Variants in APOH observed in about 807,000 individuals in gnomAD.
APOH encodes apolipoprotein H.
Under a neutral mutation model 39.8 loss-of-function variants are expected in APOH, and 48 were observed. The observed-to-expected ratio is 1.21, with a 90% CI of 0.96 to 1.54. The LOEUF (loss-of-function observed/expected upper bound fraction) is 1.54. Among genes scored for constraint, APOH ranks in the 40% most tolerant of loss-of-function variants. The probability of loss-of-function intolerance (pLI) is 0.00; values close to 1 mark genes in which losing one functional copy is unlikely to be tolerated. For synonymous variants in APOH, 153 were observed against 151.1 expected, an observed-to-expected ratio of 1.01 and a Z score of -0.09; for missense variants, 415 against 421.2, an observed-to-expected ratio of 0.99 and a Z score of 0.13.
intron 5 of APOH, among the ~76,000 whole-genome samples, chr17:66,219,435 T>C (rs2073384423): frequency 6.6e-6 from 1 of 152,240 alleles, no homozygotes; most frequent in South Asian, 2.1e-4. Context: ...ACCTACTTTT[T>C]AGGACTTGGG....
intron 3 of APOH, among the ~76,000 whole-genome samples, chr17:66,225,249 C>T (rs939326150): frequency 1.3e-5 from 2 of 152,150 alleles, no homozygotes; most frequent in Non-Finnish European, 2.9e-5. Flanking sequence ...AGCCAATGTG[C>T]TCTCAATAAT....
intron 6 of APOH, among the ~76,000 whole-genome samples, chr17:66,216,392 G>A (rs2073365638): frequency 6.6e-6 from 1 of 151,346 alleles, no homozygotes; most frequent in African/African-American, 2.4e-5. Flanking sequence ...GCTGAGGTAG[G>A]AGAATTGCTT....
At position 66,214,615 on chromosome 17, in the gene APOH, C is replaced by G; in HGVS notation, c.820G>C (p.Val274Leu). Reference sequence around the variant, plus strand: ...ATCTTTACTCTCTCTCCTTGGTACACCACAGTGGCTTTTTTCACAGGTACT... The same window carrying G: ...ATCTTTACTCTCTCTCCTTGGTACAGCACAGTGGCTTTTTTCACAGGTACT... ...CKVPVKKATVVYQGERVKIQE... is the reference protein window; with the variant it reads ...CKVPVKKATVLYQGERVKIQE... The change falls in exon 7 of 8, where the codon GTG (valine) becomes CTG (leucine). Residue 274 changes from valine (V) to leucine (L), a missense_variant. Transcript: ENST00000205948. 6.2e-7 allele frequency: 1 copy of G among 1,613,628 alleles called. No individual in the cohort carries two copies. The highest frequency in any genetic ancestry group is 8.5e-7 in the Non-Finnish European group (1 of 1,179,850).
intron 2 of APOH, among the ~76,000 whole-genome samples, chr17:66,227,279 A>T (rs1228909827): frequency 6.6e-6 from 1 of 152,224 alleles, no homozygotes; most frequent in Non-Finnish European, 1.5e-5. Flanking sequence ...AGTAAAATCA[A>T]CTTGCATGAA....
chr17:66,214,707 G>C lies in APOH; in HGVS notation c.785-57C>G. On this transcript the variant is annotated intron_variant, in intron 6 of 7. Transcript: ENST00000205948. ...AAGAGTTCAGGAAGTCTTTCTGAAA[G>C]AGAGTATAGCATTTGAAACAGTAGA... 5.4e-6 allele frequency: 8 copies of C among 1,468,746 alleles called. 1 individual carries two copies. In the South Asian group the frequency reaches 8.2e-5, roughly 15 times the overall value. The allele number at this position is 1,468,746 out of a possible 1,614,324, so 91.0% of individuals were successfully genotyped here.
In APOH at chr17:66,216,883, G is replaced by C. The variant is rs1476098747; in HGVS notation, c.689C>G (p.Ala230Gly). ...AKPTLYYKDK[A>G]TFGCHDGYSL... ...ATATCCATCATGGCAGCCAAATGTG[G>C]CTTTATCCTTGTAATAAAGTGTTGG... The change falls in exon 6 of 8, where the codon GCC (alanine) becomes GGC (glycine). Residue 230 changes from alanine to glycine, a missense_variant. By Grantham distance (60) the Ala-to-Gly change is moderately conservative. Transcript: ENST00000205948. The C allele has an allele frequency of 2.5e-6, 4 of 1,613,342 alleles. No homozygotes were observed. The highest frequency in any genetic ancestry group is 1.7e-6 in the Non-Finnish European group (2 of 1,179,710).
At chr17:66,220,471 TC>T in intron 5 of APOH, 82 bp downstream of exon 5, 1 of 1,355,530 alleles carries the variant, frequency 7.4e-7, no homozygotes, top group East Asian at 2.3e-5. Flanking sequence ...TTGGAAACAC[TC>T]CATGATAGTC....
chr17:66,227,227 T>A (rs547973455), intron 2 of APOH, among the ~76,000 whole-genome samples: 3 of 152,294 alleles, frequency 2.0e-5, no homozygotes, highest in African/African-American at 7.2e-5. Context: ...ACATTGGCTT[T>A]TTACTAAAAA....
chr17:66,227,081 A>G (rs1295751153), intron 2 of APOH, among the ~76,000 whole-genome samples: 1 of 152,006 alleles, frequency 6.6e-6, no homozygotes, highest in Non-Finnish European at 1.5e-5. Flanking sequence ...ACGAGGTTTC[A>G]CCATGCTGGC....
intron 4 of APOH, among the ~76,000 whole-genome samples, chr17:66,222,665 G>A (rs532499994): frequency 6.6e-5 from 9 of 136,574 alleles, no homozygotes; most frequent in African/African-American, 2.5e-4. Context: ...TCCGCCTCCC[G>A]GGTTCAAGTG....
chr17:66,214,362 T>G, intron 7 of APOH, 91 bp downstream of exon 7: 1 of 1,292,064 alleles, frequency 7.7e-7, no homozygotes, highest in Non-Finnish European at 1.1e-6. Context: ...CCTGGCCTCA[T>G]CTGGTTTTTG....
intron 3 of APOH, among the ~76,000 whole-genome samples, chr17:66,224,670 AGGGAAGGGAAG>A (rs2073425736): frequency 9.1e-5 from 4 of 44,076 alleles, no homozygotes; most frequent in African/African-American, 4.8e-4. Flanking sequence ...AGGGAAGGGA[AGGGAAGGGAAG>A]GGAAGGGAAG....
intron 3 of APOH, among the ~76,000 whole-genome samples, chr17:66,224,488 AAAAGAAAAG>A (rs2073422743): frequency 1.1e-5 from 1 of 88,168 alleles, no homozygotes; most frequent in African/African-American, 3.4e-5. Context: ...AAAAAAAAAA[AAAAGAAAAG>A]AAAAGAAGGA....
chr17:66,212,639 A>T (rs1036509765), intron 7 of APOH, among the ~76,000 whole-genome samples: 18 of 152,168 alleles, frequency 1.2e-4, no homozygotes. Context: ...TTGGCCTCCC[A>T]AAGTGCTGGG....
chr17:66,217,451 A>G (rs975383514), intron 5 of APOH, among the ~76,000 whole-genome samples: 1 of 151,558 alleles, frequency 6.6e-6, no homozygotes, highest in African/African-American at 2.4e-5. Flanking sequence ...AATACGTCAA[A>G]GAAAAATGGT....
At position 66,226,018 on chromosome 17, in the gene APOH, A is replaced by C. The variant is rs143448405; in HGVS notation, c.338+10T>G. On this transcript the variant is annotated intron_variant, in intron 3 of 7. Coordinates refer to ENST00000205948, the MANE Select transcript of APOH (RefSeq NM_000042.3). ...GTCTGTTAACTGCTTAGTTCCATGA[A>C]AGTTCTTACCCAGTGTTACAAGAAA... 1.1e-3 allele frequency: 1,719 copies of C among 1,598,472 alleles called. 19 individuals are homozygous for C. The African/African-American group carries it at 0.021, about 19-fold the overall frequency.
chr17:66,225,863 C>A (rs8178907), intron 3 of APOH, among the ~76,000 whole-genome samples, 165 bp downstream of exon 3: 3,122 of 148,160 alleles, frequency 0.021, 112 homozygotes, highest in African/African-American at 0.072. Flanking sequence ...GGCGACAGAG[C>A]GAGACTCCGT....
chr17:66,224,508 AAG>A (rs2073423183), intron 3 of APOH, among the ~76,000 whole-genome samples: 1 of 144,268 alleles, frequency 6.9e-6, no homozygotes, highest in African/African-American at 2.6e-5. Context: ...AAAAGAAGGA[AAG>A]GAAGGAAAAA....
intron 5 of APOH, 70 bp from the exon 6 acceptor site, chr17:66,217,037 T>A: frequency 7.8e-7 from 1 of 1,278,092 alleles, no homozygotes; most frequent in South Asian, 1.7e-5. Context: ...AATAGTTACA[T>A]CCTTGTCTCT....
Sources: allele counts gnomAD v4.1 joint callset (sites outside exome capture counted in the v4.1 genomes callset), GRCh38; gene constraint gnomAD v4.1.1; transcripts MANE v1.5; gene names NCBI Gene and HGNC (gene_info 2026-07-23, HGNC 2026-07-21).